The following NDST3 variants were observed in gnomAD, a reference collection of about 807,000 sequenced individuals.
NDST3 encodes the protein N-deacetylase and N-sulfotransferase 3, also known as bifunctional heparan sulfate N-deacetylase/N-sulfotransferase 3.
Under a neutral mutation model 96.1 loss-of-function variants are expected in NDST3, and 58 were observed. The ratio of observed to expected loss-of-function variants is 0.60; its 90% CI spans 0.49 to 0.75. NDST3 has a LOEUF of 0.75. NDST3 is among the 30% of genes least tolerant of loss of function. NDST3 has a pLI of 0.00. For synonymous variants in NDST3, 333 were observed against 359.7 expected, an observed-to-expected ratio of 0.93 and a Z score of 0.84; for missense variants, 788 against 1,034.2, an observed-to-expected ratio of 0.76 and a Z score of 3.27.
intron 3 of NDST3, among the ~76,000 whole-genome samples, chr4:118,105,491 T>C (rs7695706): frequency 0.75 from 114,391 of 151,988 alleles, 45,700 homozygotes; most frequent in South Asian, 0.92. Context: ...AGAGTAGTAT[T>C]CTGACTTCTA....
intron 2 of NDST3, among the ~76,000 whole-genome samples, chr4:118,079,018 G>A (rs995172409): frequency 2.0e-5 from 3 of 152,140 alleles, no homozygotes; most frequent in African/African-American, 4.8e-5. Flanking sequence ...ATACTAAAAT[G>A]AGTAAAATTA....
At chr4:118,120,092 G>T (rs574238330) in intron 4 of NDST3, among the ~76,000 whole-genome samples, 1 of 152,226 alleles carries the variant, frequency 6.6e-6, no homozygotes, top group African/African-American at 2.4e-5. Flanking sequence ...TTGACATCTA[G>T]TAGGTAGTAA....
At chr4:118,043,136 T>C (rs746911053) in intron 1 of NDST3, among the ~76,000 whole-genome samples, 1 of 152,238 alleles carries the variant, frequency 6.6e-6, no homozygotes, top group Non-Finnish European at 1.5e-5. Context: ...ATAAGTATTT[T>C]TGGTGGGTGA....
Position 118,105,077 on chromosome 4 carries a change from G to C in NDST3, c.1041G>C (p.Leu347=). Residue 347 remains leucine, a synonymous_variant, in exon 3 of 14, where the codon CTG becomes CTC. Transcript: ENST00000296499. ...AAATCACAAATTTTACATTCAACCT[G>C]GGATTTTCAGGGAAATTTTACCATA... is the stretch of plus-strand genomic sequence containing the variant. ...RAQITNFTFN[L]GFSGKFYHTG... 1.9e-6 allele frequency: 3 copies of C among 1,612,920 alleles called. No individual in the cohort carries two copies. Among genetic ancestry groups the C allele is most frequent in the Non-Finnish European group, 2.5e-6 (3 of 1,179,320 alleles).
intron 6 of NDST3, chr4:118,193,693 GT>G: frequency 7.6e-7 from 1 of 1,309,724 alleles, no homozygotes; most frequent in Non-Finnish European, 1.1e-6. Flanking sequence ...TCACAGCCAG[GT>G]GGGCCTCTCC....
intron 4 of NDST3, among the ~76,000 whole-genome samples, chr4:118,132,954 T>C (rs1732758801): frequency 6.6e-6 from 1 of 152,198 alleles, no homozygotes; most frequent in South Asian, 2.1e-4. Context: ...ACGTCCTCTT[T>C]ACTCTTTGCT....
chr4:118,241,644 G>A (rs546010751), intron 11 of NDST3, among the ~76,000 whole-genome samples: 6 of 152,338 alleles, frequency 3.9e-5, no homozygotes, highest in Non-Finnish European at 7.3e-5. Context: ...GGAATGACAT[G>A]TTCTCTGTCA....
intron 2 of NDST3, among the ~76,000 whole-genome samples, chr4:118,087,293 TC>T (rs1432140315): frequency 6.6e-6 from 1 of 152,148 alleles, no homozygotes; most frequent in Non-Finnish European, 1.5e-5. Context: ...CTTATAATTC[TC>T]AAAAAGCTTT....
intron 5 of NDST3, among the ~76,000 whole-genome samples, chr4:118,142,921 T>C (rs911012275): frequency 6.6e-6 from 1 of 152,192 alleles, no homozygotes; most frequent in African/African-American, 2.4e-5. Flanking sequence ...GTTGTTACAC[T>C]TTCTAAAAGT....
chr4:118,228,932 T>G (rs1256904458), intron 8 of NDST3, among the ~76,000 whole-genome samples: 1 of 152,248 alleles, frequency 6.6e-6, no homozygotes, highest in East Asian at 1.9e-4. Flanking sequence ...GAAATTGATT[T>G]TTTAATTAAA....
At chr4:118,191,005 C>G (rs1737267346) in intron 6 of NDST3, among the ~76,000 whole-genome samples, 1 of 152,110 alleles carries the variant, frequency 6.6e-6, no homozygotes, top group Non-Finnish European at 1.5e-5. Flanking sequence ...TTCTCATTTG[C>G]CAGTTTTTAA....
At chr4:118,139,679 A>G (rs1354821392) in intron 5 of NDST3, among the ~76,000 whole-genome samples, 3 of 152,128 alleles carry the variant, frequency 2.0e-5, no homozygotes, top group Non-Finnish European at 4.4e-5. Context: ...TCCATTCCCA[A>G]ATCCAACTCA....
intron 6 of NDST3, among the ~76,000 whole-genome samples, chr4:118,161,256 C>T (rs1414231489): frequency 3.3e-5 from 5 of 152,174 alleles, no homozygotes; most frequent in Admixed American, 6.5e-5. Context: ...AGTACCCGGC[C>T]GTGTGAGGTG....
Position 118,226,895 on chromosome 4 carries a change from G to T in NDST3, c.1732G>T (p.Asp578Tyr). 6.2e-7 allele frequency: 1 copy of T among 1,610,684 alleles called. No homozygotes were observed. The highest frequency in any genetic ancestry group is 8.5e-7 in the Non-Finnish European group (1 of 1,178,748). Residue 578 changes from aspartate to tyrosine, a missense_variant, in exon 8 of 14, where the codon GAT (aspartate) becomes TAT (tyrosine). This residue lies in a region of NDST3 where 490 missense variants were observed against 708.8 expected (regional missense o/e 0.69). Coordinates refer to ENST00000296499, the MANE Select transcript of NDST3 (RefSeq NM_004784.3). ...TTCTTCTCCCATTTAGAATCCTTGC[G>T]ATGACAAACGCCACAGAGACATTTG... ...QKDPLWQNPCDDKRHRDIWSK... is the reference protein window; with the variant it reads ...QKDPLWQNPCYDKRHRDIWSK...
At chr4:118,255,121 A>G (rs1742032802) in intron 13 of NDST3, among the ~76,000 whole-genome samples, 1 of 152,206 alleles carries the variant, frequency 6.6e-6, no homozygotes, top group Non-Finnish European at 1.5e-5. Flanking sequence ...ACACTGCAGA[A>G]TATCTTTCTT....
intron 1 of NDST3, among the ~76,000 whole-genome samples, chr4:118,046,930 C>A (rs1035874560): frequency 6.6e-6 from 1 of 152,034 alleles, no homozygotes; most frequent in Non-Finnish European, 1.5e-5. Flanking sequence ...AGACACCTAA[C>A]AAAAGAAATG....
chr4:118,224,735 T>C, intron 7 of NDST3, 62 bp downstream of exon 7: 2 of 1,405,122 alleles, frequency 1.4e-6, no homozygotes, highest in South Asian at 1.7e-5. Context: ...CTGTGAGATA[T>C]CCCAAATTTG....
At chr4:118,080,964 G>A (rs867711616) in intron 2 of NDST3, among the ~76,000 whole-genome samples, 3 of 152,158 alleles carry the variant, frequency 2.0e-5, no homozygotes, top group African/African-American at 4.8e-5. Flanking sequence ...TACTGCACAA[G>A]GAAGGGGTGT....
intron 4 of NDST3, among the ~76,000 whole-genome samples, chr4:118,135,561 G>A (rs750378336): frequency 3.8e-4 from 58 of 152,150 alleles, no homozygotes; most frequent in East Asian, 3.9e-4. Context: ...ATGCCCTTAT[G>A]ACTAGCATTT....
Sources: allele counts gnomAD v4.1 joint callset (sites outside exome capture counted in the v4.1 genomes callset), GRCh38; gene constraint gnomAD v4.1.1; regional missense constraint gnomAD v4.1.1; transcripts MANE v1.5; gene names NCBI Gene and HGNC (gene_info 2026-07-23, HGNC 2026-07-21).